Variants in SLC25A48 observed in about 807,000 individuals in gnomAD.
SLC25A48 encodes solute carrier family 25 member 48.
A neutral mutation model predicts 32.2 loss-of-function variants in SLC25A48; 29 were observed. The observed-to-expected ratio is 0.90, with a 90% confidence interval of 0.67 to 1.23. The LOEUF (loss-of-function observed/expected upper bound fraction) is 1.23. Among genes scored for constraint, SLC25A48 ranks in the 50% most tolerant of loss-of-function variants. The pLI, the probability that SLC25A48 is intolerant of heterozygous loss-of-function variation, is 0.00. For missense variants in SLC25A48, 399 were observed against 422.7 expected, an observed-to-expected ratio of 0.94 and a Z score of 0.49; for synonymous variants, 164 against 172.3, an observed-to-expected ratio of 0.95 and a Z score of 0.38.
intron 4 of SLC25A48, among the ~76,000 whole-genome samples, chr5:135,814,227 C>T (rs1757660805): frequency 6.6e-6 from 1 of 152,190 alleles, no homozygotes; most frequent in South Asian, 2.1e-4. Flanking sequence ...TTCCATGCTC[C>T]ATCCTTTGGC....
intron 4 of SLC25A48, among the ~76,000 whole-genome samples, chr5:135,828,845 G>A (rs1313847070): frequency 6.6e-6 from 1 of 152,146 alleles, no homozygotes; most frequent in African/African-American, 2.4e-5. Context: ...CAGCCATGGG[G>A]GCTTTGGGTG....
In SLC25A48 at chr5:135,834,773, C is replaced by T. The variant is rs1758355167; in HGVS notation, c.-75C>T. 6.9e-7 allele frequency: 1 copy of T among 1,454,872 alleles called. No individual in the cohort carries two copies. The highest frequency in any genetic ancestry group is 1.4e-5 in the African/African-American group (1 of 70,300). 90.1% of individuals were successfully genotyped at this position (1,454,872 alleles called of 1,614,324 possible). ...CGACTTCGGTCTTGCGGCGCGCTCG[C>T]GCCCGCGGGCCATGCCCCACTGACT... On this transcript the variant is annotated 5_prime_UTR_variant, in exon 1 of 8. Coordinates refer to ENST00000681962, the MANE Select transcript of SLC25A48 (RefSeq NM_001349336.2).
intron 3 of SLC25A48, among the ~76,000 whole-genome samples, chr5:135,642,460 G>A (rs1327865270): frequency 6.6e-6 from 1 of 152,212 alleles, no homozygotes; most frequent in African/African-American, 2.4e-5. Flanking sequence ...CCCTTAGGTA[G>A]CTTGCTTGGC....
intron 3 of SLC25A48, among the ~76,000 whole-genome samples, chr5:135,703,762 G>A (rs1754444944): frequency 6.6e-6 from 1 of 152,340 alleles, no homozygotes; most frequent in South Asian, 2.1e-4. Flanking sequence ...TGTGAGGACT[G>A]GATGGTCACG....
chr5:135,776,611 G>A (rs1020647833), intron 3 of SLC25A48, among the ~76,000 whole-genome samples: 5 of 151,484 alleles, frequency 3.3e-5, no homozygotes, highest in East Asian at 1.9e-4. Flanking sequence ...TCCTAATATC[G>A]CAGGGGATAT....
At chr5:135,653,116 G>A (rs1753156481) in intron 3 of SLC25A48, among the ~76,000 whole-genome samples, 1 of 152,184 alleles carries the variant, frequency 6.6e-6, no homozygotes, top group Admixed American at 6.5e-5. Context: ...ACAAGATGCT[G>A]GCACCCTGAT....
chr5:135,733,046 A>G (rs1278335164), intron 3 of SLC25A48, among the ~76,000 whole-genome samples: 2 of 152,198 alleles, frequency 1.3e-5, no homozygotes, highest in Non-Finnish European at 2.9e-5. Context: ...TTCTGCCCAT[A>G]TAACAGCATG....
At chr5:135,621,412 G>A (rs1169968966) in intron 1 of SLC25A48, among the ~76,000 whole-genome samples, 1 of 152,104 alleles carries the variant, frequency 6.6e-6, no homozygotes, top group African/African-American at 2.4e-5. Flanking sequence ...ATGTTACAAA[G>A]GTTATCTAGT....
intron 3 of SLC25A48, among the ~76,000 whole-genome samples, chr5:135,689,248 A>G (rs1390803849): frequency 6.6e-6 from 1 of 152,180 alleles, no homozygotes; most frequent in African/African-American, 2.4e-5. Flanking sequence ...GGGAGGCCTC[A>G]TCCAAGTCTT....
At chr5:135,713,796 C>T (rs1430905236) in intron 3 of SLC25A48, among the ~76,000 whole-genome samples, 1 of 152,204 alleles carries the variant, frequency 6.6e-6, no homozygotes, top group Non-Finnish European at 1.5e-5. Context: ...GGCAGAGAAT[C>T]CCATGCACTT....
chr5:135,849,049 A>G (rs1759628487), intron 2 of SLC25A48, among the ~76,000 whole-genome samples: 1 of 152,258 alleles, frequency 6.6e-6, no homozygotes, highest in Non-Finnish European at 1.5e-5. Flanking sequence ...GTTTTAAACT[A>G]CATAAATTAA....
intron 3 of SLC25A48, among the ~76,000 whole-genome samples, chr5:135,668,234 GATCAA>G (rs1753569420): frequency 6.6e-6 from 1 of 152,164 alleles, no homozygotes; most frequent in South Asian, 2.1e-4. Flanking sequence ...ATGACCAAAT[GATCAA>G]AACTCAGGAT....
intron 1 of SLC25A48, among the ~76,000 whole-genome samples, chr5:135,626,752 A>G (rs1752448895): frequency 6.6e-6 from 1 of 152,132 alleles, no homozygotes; most frequent in Non-Finnish European, 1.5e-5. Flanking sequence ...AGCTGGCTTT[A>G]TGGGCCCATT....
intron 4 of SLC25A48, among the ~76,000 whole-genome samples, chr5:135,829,177 T>C (rs1758141717): frequency 1.3e-5 from 2 of 152,228 alleles, no homozygotes; most frequent in African/African-American, 4.8e-5. Flanking sequence ...CTTCTGTCAC[T>C]GTCAGCACTC....
chr5:135,690,244 TG>T (rs1486908050), intron 3 of SLC25A48, among the ~76,000 whole-genome samples: 3 of 152,168 alleles, frequency 2.0e-5, no homozygotes, highest in African/African-American at 7.2e-5. Flanking sequence ...GAAGTGAATG[TG>T]GGAAGACTCA....
intron 7 of SLC25A48, chr5:135,883,349 A>G: frequency 2.0e-6 from 2 of 985,510 alleles, no homozygotes; most frequent in Non-Finnish European, 1.2e-6. Flanking sequence ...ACAAAACTGG[A>G]GTAAAATAGA....
chr5:135,791,072 G>A (rs1757018066), intron 3 of SLC25A48, among the ~76,000 whole-genome samples: 2 of 150,316 alleles, frequency 1.3e-5, no homozygotes, highest in Admixed American at 6.7e-5. Context: ...TAATATTTTA[G>A]GGAGATTTTA....
chr5:135,657,431 A>T (rs801555), intron 3 of SLC25A48, among the ~76,000 whole-genome samples: 50,974 of 152,128 alleles, frequency 0.34, 8,889 homozygotes, highest in East Asian at 0.62. Context: ...GCATATTTTT[A>T]TGGCACATGG....
At chr5:135,775,908 A>G (rs1756545426) in intron 3 of SLC25A48, among the ~76,000 whole-genome samples, 1 of 151,600 alleles carries the variant, frequency 6.6e-6, no homozygotes, top group Non-Finnish European at 1.5e-5. Context: ...TACGATCAAT[A>G]TCCCCAAAAG....
Sources: allele counts gnomAD v4.1 joint callset (sites outside exome capture counted in the v4.1 genomes callset), GRCh38; gene constraint gnomAD v4.1.1; transcripts MANE v1.5; gene names NCBI Gene and HGNC (gene_info 2026-07-23, HGNC 2026-07-21).